Variants in UBR4 observed in about 807,000 individuals in gnomAD.
UBR4 encodes E3 ubiquitin-protein ligase UBR4.
A neutral mutation model predicts 575.6 loss-of-function variants in UBR4; 124 were observed. The ratio of observed to expected loss-of-function variants is 0.22; its 90% confidence interval spans 0.19 to 0.25. UBR4 has a LOEUF of 0.25. Ranked by LOEUF, UBR4 falls within the 10% of genes least tolerant of loss-of-function variation. The probability of loss-of-function intolerance (pLI) is 1.00; values close to 1 mark genes in which losing one functional copy is unlikely to be tolerated. For synonymous variants in UBR4, 2,455 were observed against 2,473.7 expected (o/e 0.99, Z 0.22); for missense variants, 4,818 against 6,478.8 (o/e 0.74, Z 8.80).
At chr1:19,081,213 G>A in intron 103 of UBR4, 136 bp downstream of exon 103, 1 of 763,606 alleles carries the variant, frequency 1.3e-6, no homozygotes, top group Non-Finnish European at 2.1e-6. Context: ...ATGACAGACT[G>A]AGAAGGGAGA....
At chr1:19,075,836 G>A (rs1384064969) in intron 105 of UBR4, among the ~76,000 whole-genome samples, 5 of 152,238 alleles carry the variant, frequency 3.3e-5, no homozygotes, top group Non-Finnish European at 7.3e-5. Flanking sequence ...TCCTAACAGT[G>A]GGATCTGGGG....
intron 39 of UBR4, among the ~76,000 whole-genome samples, chr1:19,159,025 T>C (rs1189624259): frequency 6.6e-6 from 1 of 152,004 alleles, no homozygotes; most frequent in African/African-American, 2.4e-5. Flanking sequence ...GCCTCCAGTC[T>C]CAGCTTCTCA....
At chr1:19,080,032 C>T (rs2076332291) in intron 103 of UBR4, 1 of 152,220 alleles carries the variant, frequency 6.6e-6, no homozygotes. Context: ...GAGAGCAAAA[C>T]AGCTCCTGTG....
intron 102 of UBR4, 81 bp from the exon 103 acceptor site, chr1:19,081,654 T>C (rs1262594689): frequency 4.0e-6 from 6 of 1,485,376 alleles, no homozygotes; most frequent in Middle Eastern, 1.7e-4. Context: ...TTTGCTCAAT[T>C]TGTCGTTGTC....
chr1:19,106,834 T>C lies in UBR4; in HGVS notation c.12235+3A>G, dbSNP rs773743488. On this transcript the variant is annotated splice_donor_region_variant and intron_variant, in intron 82 of 105. Coordinates refer to ENST00000375254, the MANE Select transcript of UBR4 (RefSeq NM_020765.3). ...TCCCGGCGTCTTGAAGAGAAAGATA[T>C]ACCTCTGATAGGAAGACACTTCTTC... is the stretch of plus-strand genomic sequence containing the variant. The C allele has an allele frequency of 3.7e-6, 6 of 1,613,526 alleles. No individual in the cohort carries two copies. Among genetic ancestry groups the C allele is most frequent in the Middle Eastern group, 1.7e-4 (1 of 6,046 alleles).
In UBR4 at chr1:19,198,054, A is replaced by G. The variant is rs1383926218; in HGVS notation, c.649-5T>C. The G allele has an allele frequency of 1.9e-6, 3 of 1,613,198 alleles. No homozygotes were observed. The highest frequency in any genetic ancestry group is 2.5e-6 in the Non-Finnish European group (3 of 1,179,814). On this transcript the variant is annotated splice_region_variant and splice_polypyrimidine_tract_variant and intron_variant, in intron 5 of 105. Coordinates refer to ENST00000375254, the MANE Select transcript of UBR4 (RefSeq NM_020765.3). ...CTCATCATTTTCTCCTTCCACCTGA[A>G]AAGAAACATAAGGCCTGTCAAGATA...
Position 19,148,094 on chromosome 1 carries a change from T to C in UBR4, c.7528A>G (p.Thr2510Ala), listed in dbSNP as rs752534243. 1.2e-6 allele frequency: 2 copies of C among 1,610,328 alleles called. No individual in the cohort carries two copies. Among genetic ancestry groups the C allele is most frequent in the East Asian group, 2.2e-5 (1 of 44,834 alleles). ...GGTGCTGGCAGGGACAACAGCAAAG[T>C]GGCCAGCTCCTGAGCAGCATTCTTG... ...RNKNAAQELATLLLSLPAPAS... is the reference protein window; with the variant it reads ...RNKNAAQELAALLLSLPAPAS... The change falls in exon 51 of 106, where the codon ACT becomes GCT. Residue 2510 changes from threonine to alanine, a missense_variant. Physicochemically the swap from Thr to Ala is moderately conservative, Grantham distance 58. Coordinates refer to ENST00000375254, the MANE Select transcript of UBR4 (RefSeq NM_020765.3).
chr1:19,092,851 GA>G lies in UBR4; in HGVS notation c.14178del (p.Arg4727GlyfsTer13). The G allele has an allele frequency of 6.2e-7, 1 of 1,613,130 alleles. No individual in the cohort carries two copies. The highest frequency in any genetic ancestry group is 8.5e-7 in the Non-Finnish European group (1 of 1,179,758). Reference sequence around the variant, plus strand: ...CCAGGGTGCTGGATGGCCAGGCCCCGAAGCAGCCTTAGGATAAATGGCAAGG... The same window carrying G: ...CCAGGGTGCTGGATGGCCAGGCCCCGAGCAGCCTTAGGATAAATGGCAAGG... ...RPALPFILRL[L>X]RGLAIQHPGT... On this transcript the variant is annotated frameshift_variant, in exon 97 of 106. Transcript: ENST00000375254. LOFTEE classifies it high-confidence loss of function.
Position 19,197,384 on chromosome 1 carries a change from T to C in UBR4, c.894-119A>G, listed in dbSNP as rs1481304113. ...TGGCTCACGCCTATAATTCCGACAC[T>C]TCAGGAGGCCAAGGCAGGAGGATTG... is the stretch of plus-strand genomic sequence containing the variant. On this transcript the variant is annotated intron_variant, in intron 7 of 105. Coordinates refer to ENST00000375254, the MANE Select transcript of UBR4 (RefSeq NM_020765.3). 25 of 1,413,346 alleles carry C rather than the reference T, an allele frequency of 1.8e-5. No individual in the cohort carries two copies. The Admixed American group carries it at 4.5e-4, about 25-fold the overall frequency. 87.6% of individuals were successfully genotyped at this position (1,413,346 alleles called of 1,614,324 possible).
At chr1:19,146,724 G>T in intron 52 of UBR4, 102 bp downstream of exon 52, 1 of 1,464,210 alleles carries the variant, frequency 6.8e-7, no homozygotes, top group Non-Finnish European at 9.2e-7. Context: ...CCCTGTCTCT[G>T]AGCATGCAGT....
In UBR4 at chr1:19,162,522, T is replaced by C. The variant is rs2087549816; in HGVS notation, c.4854A>G (p.Pro1618=). ...NALSQSNGQG[P]SHLSVDGEER... Reference sequence around the variant, plus strand: ...CTTCCCCATCCACTGAGAGATGACTTGGGCCTTGACCATTACTCTGGCTCA... The same window carrying C: ...CTTCCCCATCCACTGAGAGATGACTCGGGCCTTGACCATTACTCTGGCTCA... The change falls in exon 35 of 106, where the codon CCA becomes CCG. Residue 1618 remains proline, a synonymous_variant. Coordinates refer to ENST00000375254, the MANE Select transcript of UBR4 (RefSeq NM_020765.3). 6.2e-7 allele frequency: 1 copy of C among 1,614,180 alleles called. No individual in the cohort carries two copies. The highest frequency in any genetic ancestry group is 8.5e-7 in the Non-Finnish European group (1 of 1,180,018).
rs963921886 is a variant in UBR4, at chr1:19,152,398, C to A, written c.6911G>T (p.Gly2304Val). The A allele has an allele frequency of 1.2e-6, 2 of 1,613,956 alleles. No individual in the cohort carries two copies. The highest frequency in any genetic ancestry group is 1.7e-6 in the Non-Finnish European group (2 of 1,179,852). Residue 2304 changes from glycine to valine, a missense_variant, in exon 47 of 106, where the codon GGT becomes GTT. Physicochemically the swap from Gly to Val is moderately radical, Grantham distance 109. This residue lies in a region of UBR4 where 461 missense variants were observed against 606.9 expected (regional missense o/e 0.76). Coordinates refer to ENST00000375254, the MANE Select transcript of UBR4 (RefSeq NM_020765.3). This position sits in a 1 kb window ranked among gnomAD's most constrained non-coding sequence, Gnocchi z 4.4. ...ATAGACCTGTAGGAGGTCGTTACCA[C>A]CAAACTCCACATCTGTCAGCTGCTG... is the stretch of plus-strand genomic sequence containing the variant. Reference protein sequence around the residue: ...HNQQLTDVEFGGNDLLQVYNA... With the variant: ...HNQQLTDVEFVGNDLLQVYNA...
intron 81 of UBR4, among the ~76,000 whole-genome samples, chr1:19,108,480 G>C (rs976126579): frequency 1.8e-4 from 28 of 152,072 alleles, no homozygotes; most frequent in Non-Finnish European, 4.1e-4. Flanking sequence ...TGCTGTACTT[G>C]GGGTGCAGCA....
intron 53 of UBR4, 23 bp from the exon 54 acceptor site, chr1:19,144,930 T>A: frequency 6.2e-7 from 1 of 1,611,164 alleles, no homozygotes; most frequent in Non-Finnish European, 8.5e-7. Context: ...CAAACATTAT[T>A]TGAAAATCTG....
At chr1:19,135,824 A>G (rs1053481952) in intron 60 of UBR4, among the ~76,000 whole-genome samples, 6 of 152,188 alleles carry the variant, frequency 3.9e-5, no homozygotes, top group Non-Finnish European at 7.4e-5. Flanking sequence ...TTTTTCCAAA[A>G]TAAAAGACAC....
At chr1:19,151,427 T>G (rs1323842277) in intron 48 of UBR4, 1 of 629,296 alleles carries the variant, frequency 1.6e-6, no homozygotes, top group Non-Finnish European at 2.9e-6. Flanking sequence ...CTCAACACAG[T>G]GCAGCCCTAT....
rs749025368 is a variant in UBR4, at chr1:19,157,285, T to C, written c.5761-360A>G. Among the ~76,000 whole-genome samples the C allele has an allele frequency of 4.6e-5, 7 of 152,206 alleles. No individual in the cohort carries two copies. Among genetic ancestry groups the C allele is most frequent in the Non-Finnish European group, 7.3e-5 (5 of 68,032 alleles). On this transcript the variant is annotated intron_variant, in intron 40 of 105. Coordinates refer to ENST00000375254, the MANE Select transcript of UBR4 (RefSeq NM_020765.3). The surrounding 1 kb of genome is among the most constrained non-coding windows in gnomAD (Gnocchi z 4.4). The stretch of plus-strand genomic sequence containing the variant: ...TCCATATTTTCACTTAAAATAAAAG[T>C]TAAAACAACATTAGTGGTGATGGAG...
chr1:19,181,845 A>T (rs1422292008), intron 17 of UBR4, among the ~76,000 whole-genome samples: 3 of 152,214 alleles, frequency 2.0e-5, no homozygotes, highest in African/African-American at 7.2e-5. Flanking sequence ...TTACATGAAC[A>T]GTTCTGTGGC....
rs2080758878 is a variant in UBR4 at position 19,118,157 on chromosome 1, A to C, written c.10542-247T>G. 2.4e-5 allele frequency: 10 copies of C among 413,194 alleles called. No individual in the cohort carries two copies. In the South Asian group the frequency reaches 3.3e-4, roughly 13 times the overall value. The allele number at this position is 413,194 out of a possible 1,614,324, so 25.6% of individuals were successfully genotyped here. A position where few individuals can be genotyped will look rare whatever the true frequency, so the allele number is the denominator to read the frequency against. ...TGATCTATCCTTCAGAGGAATTCTA[A>C]AAAGTAGTAAAATTTGACTCAAGAG... On this transcript the variant is annotated intron_variant, in intron 71 of 105. Transcript: ENST00000375254.
Sources: allele counts gnomAD v4.1 joint callset (sites outside exome capture counted in the v4.1 genomes callset), GRCh38; gene constraint gnomAD v4.1.1; regional missense constraint gnomAD v4.1.1; non-coding constraint Gnocchi (gnomAD v3.1); transcripts MANE v1.5; gene names NCBI Gene and HGNC (gene_info 2026-07-23, HGNC 2026-07-21).